DSCAM: variants seen among roughly 807,000 people sequenced by gnomAD.
DSCAM encodes cell adhesion molecule DSCAM.
Under a neutral mutation model 217.7 loss-of-function variants are expected in DSCAM, and 47 were observed. The observed-to-expected ratio is 0.22, with a 90% CI of 0.17 to 0.28. The LOEUF is 0.28. Among genes scored for constraint, DSCAM ranks in the 10% least tolerant of loss-of-function variants. The pLI is 1.00. For synonymous variants in DSCAM, 1,056 were observed against 1,015.3 expected (o/e 1.04, Z -0.76); for missense variants, 2,080 against 2,618.3 (o/e 0.79, Z 4.49).
intron 3 of DSCAM, among the ~76,000 whole-genome samples, chr21:40,369,528 C>CT (rs893938715): frequency 3.0e-4 from 46 of 151,786 alleles, no homozygotes; most frequent in Non-Finnish European, 2.4e-4. Context: ...ACCTCATAAA[C>CT]TTTTTTTTAG....
intron 2 of DSCAM, among the ~76,000 whole-genome samples, chr21:40,702,279 T>C (rs941116717): frequency 5.3e-5 from 8 of 152,144 alleles, no homozygotes; most frequent in Admixed American, 6.5e-5. Context: ...ACTTACAACA[T>C]AGAGTGAAAT....
chr21:40,470,058 A>T (rs1364180547), intron 3 of DSCAM, among the ~76,000 whole-genome samples: 1 of 152,240 alleles, frequency 6.6e-6, no homozygotes, highest in East Asian at 1.9e-4. Flanking sequence ...TATCTTAATA[A>T]TCATTTCTGT....
chr21:40,512,524 G>A (rs536959796), intron 3 of DSCAM, among the ~76,000 whole-genome samples: 1 of 152,098 alleles, frequency 6.6e-6, no homozygotes, highest in African/African-American at 2.4e-5. Flanking sequence ...AGAGTGGGAG[G>A]CTGTCTTCAC....
intron 1 of DSCAM, among the ~76,000 whole-genome samples, chr21:40,789,850 C>T (rs1051304039): frequency 2.6e-5 from 4 of 152,146 alleles, no homozygotes; most frequent in South Asian, 2.1e-4. Flanking sequence ...CCACCGTGCC[C>T]GGCCTCTGCT....
At chr21:40,025,850 G>T (rs1568895809) in intron 32 of DSCAM, among the ~76,000 whole-genome samples, 2 of 150,540 alleles carry the variant, frequency 1.3e-5, no homozygotes, top group Non-Finnish European at 1.5e-5. Context: ...TTTTTGAAGG[G>T]TTTTTTGTGT....
At chr21:40,197,482 T>G (rs764379599) in intron 11 of DSCAM, among the ~76,000 whole-genome samples, 1 of 152,230 alleles carries the variant, frequency 6.6e-6, no homozygotes, top group Non-Finnish European at 1.5e-5. Flanking sequence ...TGACTAGACC[T>G]ATTCCCCTTG....
intron 1 of DSCAM, among the ~76,000 whole-genome samples, chr21:40,761,411 C>G (rs1468530731): frequency 7.2e-6 from 1 of 138,350 alleles, no homozygotes; most frequent in Non-Finnish European, 1.6e-5. Flanking sequence ...CTTTTTTTCT[C>G]TCCTCCACCC....
At chr21:40,466,908 A>G (rs531852010) in intron 3 of DSCAM, among the ~76,000 whole-genome samples, 75 of 152,298 alleles carry the variant, frequency 4.9e-4, no homozygotes, top group African/African-American at 1.7e-3. Context: ...CCTGGCTATC[A>G]CTTTTCAAAT....
chr21:40,146,090 C>T (rs765391209), intron 16 of DSCAM, among the ~76,000 whole-genome samples: 6 of 152,058 alleles, frequency 3.9e-5, no homozygotes, highest in Non-Finnish European at 7.4e-5. Context: ...TTTCTCCGTC[C>T]TGAAAGTGTT....
intron 3 of DSCAM, among the ~76,000 whole-genome samples, chr21:40,519,835 ACTCTCT>A (rs140191515): frequency 1.4e-5 from 2 of 141,038 alleles, no homozygotes; most frequent in Non-Finnish European, 3.1e-5. Context: ...TGTCTCTCTC[ACTCTCT>A]CTCTCTCTCT....
intron 2 of DSCAM, among the ~76,000 whole-genome samples, chr21:40,701,513 C>T (rs926127884): frequency 5.9e-5 from 9 of 151,980 alleles, no homozygotes; most frequent in Non-Finnish European, 1.0e-4. Context: ...GATGCTGAGA[C>T]CACTATTTAA....
At chr21:40,369,066 G>T (rs1298718387) in intron 4 of DSCAM, 33 bp downstream of exon 4, 1 of 1,571,950 alleles carries the variant, frequency 6.4e-7, no homozygotes, top group Admixed American at 1.8e-5. Context: ...AGAAATAGCA[G>T]ACATAGCAGA....
At position 40,296,719 on chromosome 21, in the gene DSCAM, T is replaced by C. The variant is rs1032429106; in HGVS notation, c.2063-545A>G. Among the ~76,000 whole-genome samples, 3 of 150,380 alleles carry C rather than the reference T, an allele frequency of 2.0e-5. No individual in the cohort carries two copies. In the Admixed American group the frequency reaches 2.0e-4, roughly 10 times the overall value. On this transcript the variant is annotated intron_variant, in intron 9 of 32. Coordinates refer to ENST00000400454, the MANE Select transcript of DSCAM (RefSeq NM_001389.5). ...GGTGGCGCATGCCTGTAATCCTAGC[T>C]ACTCAGGAGGCGGAGGCTGGAGAAT...
intron 1 of DSCAM, among the ~76,000 whole-genome samples, chr21:40,779,218 T>G (rs1425492751): frequency 6.6e-6 from 1 of 152,092 alleles, no homozygotes; most frequent in Non-Finnish European, 1.5e-5. Flanking sequence ...AAAGGTATTT[T>G]GGGCTGAAGT....
rs1157467958 is a variant in DSCAM, at chr21:40,508,763, ATATATATATATATATATATATTTT to A, written c.509-139542_509-139519del. Among the ~76,000 whole-genome samples the A allele has an allele frequency of 9.7e-3, 37 of 3,818 alleles. 2 individuals are homozygous for A. Among genetic ancestry groups the A allele is most frequent in the African/African-American group, 0.037 (35 of 944 alleles). 2.5% of individuals were successfully genotyped at this position (3,818 alleles called of 152,430 possible). On this transcript the variant is annotated intron_variant, in intron 3 of 32. Coordinates refer to ENST00000400454, the MANE Select transcript of DSCAM (RefSeq NM_001389.5). ...TATATATATATATATATATATATATATATATATATATATATATATATTTTTTTTTTTTTTTTTTTTTTTTTTTAC... is the reference window on the plus strand; with the variant it reads ...TATATATATATATATATATATATATATTTTTTTTTTTTTTTTTTTTTTTAC...
chr21:40,430,234 A>G (rs1179329235), intron 3 of DSCAM, among the ~76,000 whole-genome samples: 1 of 152,208 alleles, frequency 6.6e-6, no homozygotes, highest in African/African-American at 2.4e-5. Flanking sequence ...TGATGTAGAG[A>G]CAGCTGTGAT....
chr21:40,329,399 A>C (rs1019577451), intron 8 of DSCAM, among the ~76,000 whole-genome samples: 1 of 152,132 alleles, frequency 6.6e-6, no homozygotes, highest in East Asian at 1.9e-4. Flanking sequence ...GCAGATCACG[A>C]GGTCAAGAGA....
intron 1 of DSCAM, among the ~76,000 whole-genome samples, chr21:40,839,748 G>A (rs2092085241): frequency 6.6e-6 from 1 of 151,710 alleles, no homozygotes; most frequent in Non-Finnish European, 1.5e-5. Flanking sequence ...TTCTTTCACT[G>A]TCTTTGCGGC....
intron 8 of DSCAM, among the ~76,000 whole-genome samples, chr21:40,329,680 A>G (rs2074355838): frequency 6.6e-6 from 1 of 151,542 alleles, no homozygotes; most frequent in Non-Finnish European, 1.5e-5. Context: ...AAATAAAATA[A>G]GGACCTTCAG....
Sources: allele counts gnomAD v4.1 joint callset (sites outside exome capture counted in the v4.1 genomes callset), GRCh38; gene constraint gnomAD v4.1.1; transcripts MANE v1.5; gene names NCBI Gene and HGNC (gene_info 2026-07-23, HGNC 2026-07-21).